Variants in GTF2IRD1 observed in about 807,000 individuals in gnomAD.
GTF2IRD1 encodes the protein GTF2I repeat domain containing 1, also known as general transcription factor II-I repeat domain-containing protein 1.
GTF2IRD1 carries 26 observed loss-of-function variants against 113.2 expected under a neutral mutation model. That is an observed-to-expected ratio of 0.23 (90% CI 0.17 to 0.32). The LOEUF is 0.32. Among genes scored for constraint, GTF2IRD1 ranks in the 10% least tolerant of loss-of-function variants. GTF2IRD1 has a pLI of 1.00. For missense variants in GTF2IRD1, 864 were observed against 1,280.8 expected, an observed-to-expected ratio of 0.67 and a Z score of 4.97; for synonymous variants, 484 against 529.1, an observed-to-expected ratio of 0.91 and a Z score of 1.17.
chr7:74,507,992 C>T (rs1490243868), intron 1 of GTF2IRD1, 83 bp from the exon 2 acceptor site: 16 of 1,465,416 alleles, frequency 1.1e-5, no homozygotes, highest in Admixed American at 8.2e-5. Context: ...GTCCGGGGGT[C>T]AGGTGGATTG....
At chr7:74,483,109 C>T (rs1342745509) in intron 1 of GTF2IRD1, among the ~76,000 whole-genome samples, 4 of 152,166 alleles carry the variant, frequency 2.6e-5, no homozygotes, top group African/African-American at 7.2e-5. Flanking sequence ...TTCAGTCTGA[C>T]GCCTCTGGGC....
chr7:74,517,033 T>C (rs1554344776), intron 4 of GTF2IRD1, among the ~76,000 whole-genome samples: 1 of 151,354 alleles, frequency 6.6e-6, no homozygotes, highest in Non-Finnish European at 1.5e-5. Context: ...TTGTTGTTGT[T>C]GTTGTTTTGA....
At chr7:74,583,023 A>G (rs1307777369) in intron 22 of GTF2IRD1, among the ~76,000 whole-genome samples, 2 of 152,144 alleles carry the variant, frequency 1.3e-5, no homozygotes, top group African/African-American at 2.4e-5. Context: ...AAATTAAATA[A>G]AAAGAAAGAG....
intron 1 of GTF2IRD1, 60 bp from the exon 2 acceptor site, chr7:74,508,015 A>ACCATATGAGACAAGCCC (rs1796394385): frequency 1.8e-5 from 28 of 1,543,542 alleles, no homozygotes; most frequent in African/African-American, 2.7e-5. Context: ...GTGGGCAGCC[A>ACCATATGAGACAAGCCC]CCATATGAGA....
At chr7:74,558,732 A>C (rs1415282576) in intron 20 of GTF2IRD1, 129 bp from the exon 21 acceptor site, 2 of 657,682 alleles carry the variant, frequency 3.0e-6, no homozygotes, top group Non-Finnish European at 2.6e-6. Context: ...GCTACACTAC[A>C]TAAGAGCTTT....
chr7:74,570,152 G>A (rs587722946), intron 22 of GTF2IRD1, among the ~76,000 whole-genome samples: 6 of 151,950 alleles, frequency 3.9e-5, no homozygotes, highest in South Asian at 2.1e-4. Context: ...ACCTGAGGTC[G>A]GGAGTTCGAA....
At chr7:74,563,375 C>T (rs189077253) in intron 22 of GTF2IRD1, among the ~76,000 whole-genome samples, 31 of 151,700 alleles carry the variant, frequency 2.0e-4, no homozygotes, top group African/African-American at 5.8e-4. Context: ...GTCAGGAGTT[C>T]GAGACCAGCC....
intron 26 of GTF2IRD1, chr7:74,601,458 C>T (rs868962836): frequency 4.2e-5 from 61 of 1,445,642 alleles, no homozygotes; most frequent in Admixed American, 8.1e-5. Context: ...ACCCTTCAGC[C>T]GCACCAGAGC....
rs1346911245 is a variant in GTF2IRD1, at chr7:74,574,586, A to C, written c.2320+14931A>C. On this transcript the variant is annotated intron_variant, in intron 22 of 26. Coordinates refer to ENST00000424337, the MANE Select transcript of GTF2IRD1 (RefSeq NM_005685.4). ...GTGATCCTCCTGCCTCAGCCTCCCA[A>C]GTAGCTGGGACTGGAGGCGTGCACC... 8.6e-5 allele frequency among the ~76,000 whole-genome samples: 13 copies of C among 150,934 alleles called. No individual in the cohort carries two copies. In the South Asian group the frequency reaches 1.9e-3, roughly 22 times the overall value.
intron 11 of GTF2IRD1, among the ~76,000 whole-genome samples, chr7:74,536,958 A>G (rs1554350364): frequency 6.6e-6 from 1 of 151,962 alleles, no homozygotes; most frequent in Non-Finnish European, 1.5e-5. Flanking sequence ...CAAAAAATAA[A>G]AAGTTAGCTG....
Position 74,547,235 on chromosome 7 carries a change from A to G in GTF2IRD1, c.1865A>G (p.Lys622Arg). Residue 622 changes from lysine (K) to arginine (R), a missense_variant, in exon 17 of 27, where the codon AAG becomes AGG. By Grantham distance (26) the Lys-to-Arg change is conservative. Transcript: ENST00000424337. ...LRRPNCFGIA[K>R]LRKILEASNS... ...AGGCCCAACTGCTTCGGGATCGCCA[A>G]GCTCCGGAAGATTCTGGAGGCCAGC... is the stretch of plus-strand genomic sequence containing the variant. The G allele has an allele frequency of 1.2e-6, 2 of 1,613,336 alleles. No individual in the cohort carries two copies. The highest frequency in any genetic ancestry group is 1.7e-6 in the Non-Finnish European group (2 of 1,179,830).
chr7:74,518,401 GC>G, intron 5 of GTF2IRD1, 79 bp downstream of exon 5: 1 of 1,191,472 alleles, frequency 8.4e-7, no homozygotes, highest in Non-Finnish European at 1.2e-6. Context: ...AGGCCACTTA[GC>G]CAGAGGGGAA....
intron 14 of GTF2IRD1, among the ~76,000 whole-genome samples, chr7:74,542,848 T>C (rs1307976087): frequency 5.9e-5 from 9 of 152,024 alleles, no homozygotes; most frequent in African/African-American, 1.9e-4. Context: ...ACTGCAGGGG[T>C]TGGGGGCCTT....
intron 1 of GTF2IRD1, among the ~76,000 whole-genome samples, chr7:74,477,448 CTA>C (rs1192985508): frequency 6.7e-6 from 1 of 149,672 alleles, no homozygotes; most frequent in African/African-American, 2.5e-5. Flanking sequence ...AATGGGGTGA[CTA>C]TAATGAATGC....
At chr7:74,550,939 C>T (rs587595732) in intron 17 of GTF2IRD1, among the ~76,000 whole-genome samples, 4 of 152,094 alleles carry the variant, frequency 2.6e-5, no homozygotes, top group Admixed American at 6.6e-5. Context: ...GAGGCTGAGG[C>T]GGAAGGCGGA....
At chr7:74,543,907 G>C (rs1798778082) in intron 14 of GTF2IRD1, among the ~76,000 whole-genome samples, 1 of 150,484 alleles carries the variant, frequency 6.6e-6, no homozygotes, top group South Asian at 2.1e-4. Flanking sequence ...CAATTAGCTG[G>C]ATGTGGTGGT....
intron 19 of GTF2IRD1, among the ~76,000 whole-genome samples, chr7:74,556,481 C>T (rs587728486): frequency 1.8e-3 from 263 of 149,766 alleles, no homozygotes; most frequent in African/African-American, 5.9e-3. Flanking sequence ...CCACCACACC[C>T]GGCTAATTTT....
chr7:74,461,103 A>T (rs111354053), intron 1 of GTF2IRD1, among the ~76,000 whole-genome samples: 1,553 of 152,304 alleles, frequency 0.01, 23 homozygotes, highest in African/African-American at 0.034. Context: ...GTGGTGCTGT[A>T]GTCCAAGGGA....
intron 8 of GTF2IRD1, 152 bp from the exon 9 acceptor site, chr7:74,529,582 T>A: frequency 1.6e-6 from 1 of 612,796 alleles, no homozygotes; most frequent in South Asian, 2.0e-5. Flanking sequence ...AGAAAAGTGA[T>A]ATGATTTTGA....
Sources: allele counts gnomAD v4.1 joint callset (sites outside exome capture counted in the v4.1 genomes callset), GRCh38; gene constraint gnomAD v4.1.1; transcripts MANE v1.5; gene names NCBI Gene and HGNC (gene_info 2026-07-23, HGNC 2026-07-21).